TTC22: variants seen among roughly 807,000 people sequenced by gnomAD.
TTC22 encodes the protein tetratricopeptide repeat protein 22.
Under a neutral mutation model 48.2 loss-of-function variants are expected in TTC22, and 42 were observed. The ratio of observed to expected loss-of-function variants is 0.87; its 90% CI spans 0.68 to 1.13. The LOEUF (loss-of-function observed/expected upper bound fraction) is 1.13, where lower values mean the gene tolerates loss of function less well. Among genes scored for constraint, TTC22 ranks in the 50% most tolerant of loss-of-function variants. The pLI is 0.00. For synonymous variants in TTC22, 345 were observed against 365.5 expected, an observed-to-expected ratio of 0.94 and a Z score of 0.64; for missense variants, 784 against 807.0, an observed-to-expected ratio of 0.97 and a Z score of 0.34.
At chr1:54,782,515 G>A (rs1187757938) in intron 5 of TTC22, 38 bp from the exon 6 acceptor site, 1 of 1,512,766 alleles carries the variant, frequency 6.6e-7, no homozygotes, top group Admixed American at 2.2e-5. Context: ...GATGATCCAG[G>A]CAAGGGCCTC....
At chr1:54,786,814 G>A in intron 4 of TTC22, 143 bp downstream of exon 4, 1 of 445,982 alleles carries the variant, frequency 2.2e-6, no homozygotes, top group Middle Eastern at 5.5e-4. Flanking sequence ...AGAGGATGGA[G>A]AGCAAGGTCT....
At chr1:54,782,941 GGATTATTTTAGGTAGGATGGCAGCACC>G (rs1646274664) in intron 5 of TTC22, among the ~76,000 whole-genome samples, 1 of 152,170 alleles carries the variant, frequency 6.6e-6, no homozygotes, top group Non-Finnish European at 1.5e-5. Flanking sequence ...TGATTGGGGA[GGATTATTTTAGGTAGGATGGCAGCACC>G]GATTTTGTGA....
chr1:54,782,325 C>G lies in TTC22; in HGVS notation c.1173G>C (p.Gln391His). The G allele has an allele frequency of 6.5e-7, 1 of 1,535,318 alleles. No individual in the cohort carries two copies. Among genetic ancestry groups the G allele is most frequent in the Non-Finnish European group, 8.8e-7 (1 of 1,137,818 alleles). The change falls in exon 6 of 7, where the codon CAG becomes CAC. Residue 391 changes from glutamine to histidine, a missense_variant and splice_region_variant. Coordinates refer to ENST00000371276, the MANE Select transcript of TTC22 (RefSeq NM_001114108.2). ...TGGCTAAGCCAAGAGACTGCCTTACCTGGCCGATGTCCAGGTACGCCTTGA... is the reference window on the plus strand; with the variant it reads ...TGGCTAAGCCAAGAGACTGCCTTACGTGGCCGATGTCCAGGTACGCCTTGA... ...PGFKAYLDIG[Q>H]VYYYMGVDAV...
chr1:54,782,818 G>A (rs1646273109), intron 5 of TTC22, among the ~76,000 whole-genome samples: 1 of 152,184 alleles, frequency 6.6e-6, no homozygotes, highest in Non-Finnish European at 1.5e-5. Context: ...AGATAGATGA[G>A]GTCCCTGCTC....
In TTC22 at chr1:54,800,930, G is replaced by C; in HGVS notation, c.234C>G (p.Tyr78Ter). ...CGCGGGCCTCGTCCAGCTCCTCCAG[G>C]TAGAATGCGAAAGCGCCCAGGAGGT... ...VRHLLGAFAF[Y>*]LEELDEAREC... The change falls in exon 1 of 7, where the codon TAC (tyrosine) becomes TAG (stop). Residue 78 changes from tyrosine to a stop codon, truncating the protein, a stop_gained. Transcript: ENST00000371276. LOFTEE classifies it high-confidence loss of function. The C allele has an allele frequency of 6.2e-7, 1 of 1,609,072 alleles. No individual in the cohort carries two copies. Among genetic ancestry groups the C allele is most frequent in the South Asian group, 1.1e-5 (1 of 90,820 alleles).
In TTC22 at chr1:54,781,542, C is replaced by G. The variant is rs1557769659; in HGVS notation, c.1411G>C (p.Gly471Arg). The G allele has an allele frequency of 5.9e-6, 9 of 1,516,956 alleles. No homozygotes were observed. Among genetic ancestry groups the G allele is most frequent in the African/African-American group, 2.9e-5 (2 of 70,034 alleles). The allele number at this position is 1,516,956 out of a possible 1,614,324, so 94.0% of individuals were successfully genotyped here. Residue 471 changes from glycine (G) to arginine (R), a missense_variant, in exon 7 of 7, where the codon GGC (glycine) becomes CGC (arginine). Gly to Arg is a moderately radical substitution (Grantham distance 125, BLOSUM62 -2). Transcript: ENST00000371276. ...LDDAGSSHTD[G>R]FGCLLEALLA... ...AGCGCCTCGAGCAGGCAGCCGAAGCCGTCGGTGTGGCTGGAGCCCGCGTCG... is the reference window on the plus strand; with the variant it reads ...AGCGCCTCGAGCAGGCAGCCGAAGCGGTCGGTGTGGCTGGAGCCCGCGTCG...
intron 1 of TTC22, among the ~76,000 whole-genome samples, chr1:54,788,417 C>G (rs1188573671): frequency 6.6e-6 from 1 of 151,596 alleles, no homozygotes. Context: ...TGCCCACCCT[C>G]TCCTCCACGC....
intron 1 of TTC22, among the ~76,000 whole-genome samples, chr1:54,800,124 ATCATTCATGG>A (rs763945668): frequency 5.1e-4 from 78 of 152,210 alleles, no homozygotes; most frequent in Non-Finnish European, 9.1e-4. Context: ...TGAAGCCATG[ATCATTCATGG>A]AAAAGGCACT....
Position 54,781,312 on chromosome 1 carries a change from G to C in TTC22, c.1641C>G (p.Leu547=). The part of the protein sequence containing the change: ...AQGRPALVRL[L]FETMEREGEG... ...CGCCCTCGCGCTCCATGGTCTCGAA[G>C]AGCAGCCGCACCAGCGCCGGCCGTC... is the stretch of plus-strand genomic sequence containing the variant. The change falls in exon 7 of 7, where the codon CTC becomes CTG. Residue 547 remains leucine (L), a synonymous_variant. Coordinates refer to ENST00000371276, the MANE Select transcript of TTC22 (RefSeq NM_001114108.2). 1 of 1,462,136 alleles carries C rather than the reference G, an allele frequency of 6.8e-7. No homozygotes were observed. The highest frequency in any genetic ancestry group is 9.0e-7 in the Non-Finnish European group (1 of 1,116,372). The allele number at this position is 1,462,136 out of a possible 1,614,324, so 90.6% of individuals were successfully genotyped here.
chr1:54,788,057 G>A lies in TTC22; in HGVS notation c.608C>T (p.Ala203Val), dbSNP rs1397102554. Residue 203 changes from alanine (A) to valine (V), a missense_variant, in exon 2 of 7, where the codon GCA becomes GTA. Coordinates refer to ENST00000371276, the MANE Select transcript of TTC22 (RefSeq NM_001114108.2). ...CTTGCCTGACCTGATGTAGAGTGTT[G>A]CCATGGTGAAATACCAGCCCCTTTT... The part of the protein sequence containing the change: ...EEKRGWYFTM[A>V]TLYIRLDGIF... The A allele has an allele frequency of 1.9e-6, 3 of 1,613,762 alleles. No individual in the cohort carries two copies. Among genetic ancestry groups the A allele is most frequent in the African/African-American group, 1.3e-5 (1 of 74,832 alleles).
Position 54,781,434 on chromosome 1 carries a change from T to C in TTC22, c.1519A>G (p.Lys507Glu), listed in dbSNP as rs1342637399. ...TGGCGCAGGCGCGCCGCGGGGTACT[T>C]GTCCTGGGCGCGGCGCAGCCAGGCG... ...VDAWLRRAQD[K>E]YPAARLRQEL... The change falls in exon 7 of 7, where the codon AAG (lysine) becomes GAG (glutamate). Residue 507 changes from lysine to glutamate, a missense_variant. Transcript: ENST00000371276. The C allele has an allele frequency of 7.0e-7, 1 of 1,431,632 alleles. No individual in the cohort carries two copies. The highest frequency in any genetic ancestry group is 9.1e-7 in the Non-Finnish European group (1 of 1,103,308). 88.7% of individuals were successfully genotyped at this position (1,431,632 alleles called of 1,614,324 possible). A position where few individuals can be genotyped will look rare whatever the true frequency, so the allele number is the denominator to read the frequency against.
At position 54,786,117 on chromosome 1, in the gene TTC22, G is replaced by C. The variant is rs766901296; in HGVS notation, c.886C>G (p.Pro296Ala). 4.3e-6 allele frequency: 7 copies of C among 1,614,150 alleles called. No individual in the cohort carries two copies. The highest frequency in any genetic ancestry group is 5.9e-6 in the Non-Finnish European group (7 of 1,180,008). ...KAIEIAKNQP[P>A]ILNRLAKIFY... ...ATTTTTGCCAGGCGATTCAGGATGG[G>C]AGGTTGGTTCTTGGCAATCTCAATG... Residue 296 changes from proline to alanine, a missense_variant, in exon 5 of 7, where the codon CCC becomes GCC. Coordinates refer to ENST00000371276, the MANE Select transcript of TTC22 (RefSeq NM_001114108.2).
Position 54,781,439 on chromosome 1 carries a change from T to C in TTC22, c.1514A>G (p.Gln505Arg). The C allele has an allele frequency of 6.9e-7, 1 of 1,438,996 alleles. No individual in the cohort carries two copies. Among genetic ancestry groups the C allele is most frequent in the Non-Finnish European group, 9.0e-7 (1 of 1,106,562 alleles). The allele number at this position is 1,438,996 out of a possible 1,614,324, so 89.1% of individuals were successfully genotyped here. Reference protein sequence around the residue: ...REVDAWLRRAQDKYPAARLRQ... With the variant: ...REVDAWLRRARDKYPAARLRQ... The stretch of plus-strand genomic sequence containing the variant: ...CAGGCGCGCCGCGGGGTACTTGTCC[T>C]GGGCGCGGCGCAGCCAGGCGTCCAC... Residue 505 changes from glutamine (Q) to arginine (R), a missense_variant, in exon 7 of 7, where the codon CAG (glutamine) becomes CGG (arginine). Physicochemically the swap from Gln to Arg is conservative, Grantham distance 43. Transcript: ENST00000371276.
intron 1 of TTC22, 23 bp downstream of exon 1, chr1:54,800,574 G>A (rs1458477558): frequency 4.1e-6 from 6 of 1,466,274 alleles, no homozygotes; most frequent in Non-Finnish European, 5.4e-6. Flanking sequence ...CCAGAGGGAG[G>A]TAGGGAGACA....
At chr1:54,784,663 C>T in intron 5 of TTC22, 1 of 1,125,584 alleles carries the variant, frequency 8.9e-7, no homozygotes, top group Non-Finnish European at 1.1e-6. Context: ...AATTTCACTC[C>T]TGCCTCGTAC....
At chr1:54,785,415 C>A in intron 5 of TTC22, 1 of 313,044 alleles carries the variant, frequency 3.2e-6, no homozygotes, top group East Asian at 1.2e-4. Context: ...TCTGGTCAGT[C>A]TGATTCCACC....
At position 54,800,577 on chromosome 1, in the gene TTC22, G is replaced by T; in HGVS notation, c.567+20C>A. The T allele has an allele frequency of 6.8e-7, 1 of 1,472,136 alleles. No individual in the cohort carries two copies. Among genetic ancestry groups the T allele is most frequent in the Non-Finnish European group, 8.9e-7 (1 of 1,124,066 alleles). The allele number at this position is 1,472,136 out of a possible 1,614,324, so 91.2% of individuals were successfully genotyped here. On this transcript the variant is annotated intron_variant, in intron 1 of 6. Coordinates refer to ENST00000371276, the MANE Select transcript of TTC22 (RefSeq NM_001114108.2). ...ACCACAGTCCTCCCAGAGGGAGGTAGGGAGACAGGGGTCACCTACCTGCTG... is the reference window on the plus strand; with the variant it reads ...ACCACAGTCCTCCCAGAGGGAGGTATGGAGACAGGGGTCACCTACCTGCTG...
chr1:54,787,808 C>T lies in TTC22; in HGVS notation c.642G>A (p.Leu214=), dbSNP rs765720454. ...TCTTCTGCTCCTCACTGCCCAGCTC[C>T]AGGAAGATGCCATCTAGCCTGTGGC... The part of the protein sequence containing the change: ...TLYIRLDGIF[L]ELGSEEQKRL... Residue 214 remains leucine (L), a synonymous_variant, in exon 3 of 7, where the codon CTG becomes CTA. Transcript: ENST00000371276. 6.2e-7 allele frequency: 1 copy of T among 1,610,928 alleles called. No individual in the cohort carries two copies. Among genetic ancestry groups the T allele is most frequent in the South Asian group, 1.1e-5 (1 of 90,498 alleles).
chr1:54,790,610 G>A lies in TTC22; in HGVS notation c.568-2513C>T, dbSNP rs1187327597. Among the ~76,000 whole-genome samples, 3 of 152,170 alleles carry A rather than the reference G, an allele frequency of 2.0e-5. No individual in the cohort carries two copies. The East Asian group carries it at 5.8e-4, about 29-fold the overall frequency. On this transcript the variant is annotated intron_variant, in intron 1 of 6. Transcript: ENST00000371276. ...AAGCAAAAGGCAGGGATAGGACTCT[G>A]GATACCCTTATCTGCTTTACTTACA...
Sources: allele counts gnomAD v4.1 joint callset (sites outside exome capture counted in the v4.1 genomes callset), GRCh38; gene constraint gnomAD v4.1.1; transcripts MANE v1.5; gene names NCBI Gene and HGNC (gene_info 2026-07-23, HGNC 2026-07-21).